Variants in TMEM63A observed in about 807,000 individuals in gnomAD.
TMEM63A encodes the protein mechanosensitive cation channel TMEM63A.
In TMEM63A, 76 loss-of-function variants were observed where a neutral mutation model predicts 100.6. That is an observed-to-expected ratio of 0.76 (90% CI 0.63 to 0.91). The LOEUF is 0.91. TMEM63A is among the 40% of genes least tolerant of loss of function. The probability of loss-of-function intolerance (pLI) is 0.00; values close to 1 mark genes in which losing one functional copy is unlikely to be tolerated. For missense variants in TMEM63A, 876 were observed against 1,008.8 expected, an observed-to-expected ratio of 0.87 and a Z score of 1.78; for synonymous variants, 401 against 401.1, an observed-to-expected ratio of 1.00 and a Z score of 0.00.
At chr1:225,857,553 T>C (rs1669703934) in intron 15 of TMEM63A, among the ~76,000 whole-genome samples, 1 of 152,116 alleles carries the variant, frequency 6.6e-6, no homozygotes, top group African/African-American at 2.4e-5. Context: ...GAAATTTTCT[T>C]TGAAAACTAA....
At position 225,877,595 on chromosome 1, in the gene TMEM63A, C is replaced by T; in HGVS notation, c.-14-1G>A. 1 of 1,609,978 alleles carries T rather than the reference C, an allele frequency of 6.2e-7. No individual in the cohort carries two copies. The highest frequency in any genetic ancestry group is 1.3e-5 in the African/African-American group (1 of 75,008). ...GAGTCCATCATCGCGCCTGTCTTCC[C>T]TGGAGCACAGGACAACAGGACAAGG... On this transcript the variant is annotated splice_acceptor_variant, in intron 2 of 24. Coordinates refer to ENST00000366835, the MANE Select transcript of TMEM63A (RefSeq NM_014698.3). LOFTEE classifies it low-confidence loss of function (5UTR_SPLICE).
chr1:225,865,724 G>A lies in TMEM63A; in HGVS notation c.746+173C>T. 3 of 637,614 alleles carry A rather than the reference G, an allele frequency of 4.7e-6. No homozygotes were observed. The highest frequency in any genetic ancestry group is 8.2e-6 in the Non-Finnish European group (3 of 365,062). 39.5% of individuals were successfully genotyped at this position (637,614 alleles called of 1,614,324 possible). On this transcript the variant is annotated intron_variant, in intron 10 of 24. Coordinates refer to ENST00000366835, the MANE Select transcript of TMEM63A (RefSeq NM_014698.3). This position sits in a 1 kb window ranked among gnomAD's most constrained non-coding sequence, Gnocchi z 4.6. The stretch of plus-strand genomic sequence containing the variant: ...TTCACTGCACAGCACCAGCAGGGCT[G>A]GCACACAGGAGCCACTCCATACACG...
At chr1:225,849,055 G>A (rs773279285) in intron 21 of TMEM63A, 43 bp from the exon 22 acceptor site, 5 of 1,115,578 alleles carry the variant, frequency 4.5e-6, no homozygotes, top group Middle Eastern at 2.5e-4. Context: ...GCAGGGAGGG[G>A]CCACCACCTA....
Position 225,850,098 on chromosome 1 carries a change from T to G in TMEM63A, c.1904-19A>C. 1 of 1,613,106 alleles carries G rather than the reference T, an allele frequency of 6.2e-7. No individual in the cohort carries two copies. The highest frequency in any genetic ancestry group is 8.5e-7 in the Non-Finnish European group (1 of 1,179,326). On this transcript the variant is annotated intron_variant, in intron 20 of 24. Transcript: ENST00000366835. ...ATGAGGCCTGCAGGGGATGGGGCTG[T>G]GAGCTGGAGACCTCGCAGGGCCACA...
chr1:225,878,045 G>C (rs1285103128), intron 2 of TMEM63A, among the ~76,000 whole-genome samples: 5 of 152,098 alleles, frequency 3.3e-5, no homozygotes, highest in African/African-American at 4.8e-5. Context: ...GAAAACACCG[G>C]GATAAACAAC....
downstream of TMEM63A, among the ~76,000 whole-genome samples, chr1:225,844,823 G>A (rs186604328): frequency 7.9e-4 from 121 of 152,290 alleles, no homozygotes; most frequent in Non-Finnish European, 1.5e-3. Flanking sequence ...CCTGGCTCCC[G>A]GGCGGCCCTC....
chr1:225,845,023 T>G, downstream of TMEM63A: 1 of 1,085,724 alleles, frequency 9.2e-7, no homozygotes, highest in Non-Finnish European at 1.4e-6. Flanking sequence ...TTTGTCCTTT[T>G]CTTTATGGCT....
intron 20 of TMEM63A, 126 bp downstream of exon 20, chr1:225,852,538 T>C: frequency 1.2e-6 from 1 of 801,734 alleles, no homozygotes; most frequent in South Asian, 1.6e-5. Flanking sequence ...TTTAGCAGCT[T>C]GTGGCTCTTG....
At chr1:225,873,468 C>A (rs1428719929) in intron 4 of TMEM63A, among the ~76,000 whole-genome samples, 2 of 152,106 alleles carry the variant, frequency 1.3e-5, no homozygotes, top group African/African-American at 4.8e-5. Context: ...CTGCCAGAGC[C>A]CCTCTGGGGC....
intron 4 of TMEM63A, among the ~76,000 whole-genome samples, chr1:225,872,722 C>T (rs1670579184): frequency 8.0e-6 from 1 of 125,310 alleles, no homozygotes; most frequent in Admixed American, 1.0e-4. Flanking sequence ...GAGACAGAGT[C>T]TGGCTCTGTC....
intron 20 of TMEM63A, among the ~76,000 whole-genome samples, chr1:225,852,209 G>T (rs1366864919): frequency 2.6e-5 from 4 of 152,278 alleles, no homozygotes; most frequent in African/African-American, 9.6e-5. Context: ...ATGAGGCCGG[G>T]TGCTGTGGCT....
At chr1:225,875,266 C>G (rs1205822159) in intron 3 of TMEM63A, among the ~76,000 whole-genome samples, 2 of 152,172 alleles carry the variant, frequency 1.3e-5, no homozygotes, top group Non-Finnish European at 2.9e-5. Flanking sequence ...CCAATGGCAA[C>G]CTCAGGGCTG....
chr1:225,866,244 ACAG>A (rs1182329925), intron 9 of TMEM63A: 5 of 526,258 alleles, frequency 9.5e-6, no homozygotes, highest in Middle Eastern at 5.2e-4. Flanking sequence ...ATGCGGTCAC[ACAG>A]CAGATCAGAG....
rs1182912141 is a variant in TMEM63A, at chr1:225,845,807, C to CTGAG, written c.*1128_*1131dup. ...GGGCAAGTCAGCGTCAAGAGAGTCCCTGAGTGAGAAGGCCCAGATAAGCCC... is the reference window on the plus strand; with the variant it reads ...GGGCAAGTCAGCGTCAAGAGAGTCCCTGAGTGAGTGAGAAGGCCCAGATAAGCCC... On this transcript the variant is annotated 3_prime_UTR_variant, in exon 25 of 25. Coordinates refer to ENST00000366835, the MANE Select transcript of TMEM63A (RefSeq NM_014698.3). 1 of 247,358 alleles carries CTGAG rather than the reference C, an allele frequency of 4.0e-6. No homozygotes were observed. Among genetic ancestry groups the CTGAG allele is most frequent in the African/African-American group, 2.2e-5 (1 of 44,670 alleles). 15.3% of individuals were successfully genotyped at this position (247,358 alleles called of 1,614,324 possible).
intron 15 of TMEM63A, among the ~76,000 whole-genome samples, chr1:225,858,970 G>A (rs1483052771): frequency 1.3e-5 from 2 of 151,146 alleles, no homozygotes; most frequent in Non-Finnish European, 3.0e-5. Context: ...GTGTGTGTGT[G>A]TGTGTGTGTG....
At position 225,859,244 on chromosome 1, in the gene TMEM63A, C is replaced by A; in HGVS notation, c.1329G>T (p.Leu443=). The change falls in exon 15 of 25, where the codon CTG becomes CTT. Residue 443 remains leucine (L), a synonymous_variant. Coordinates refer to ENST00000366835, the MANE Select transcript of TMEM63A (RefSeq NM_014698.3). Reference sequence around the variant, plus strand: ...TGACATTAAACTTGTCCATGGTGGACAGGATGATGGAGGGTGTGGTCAGGA... The same window carrying A: ...TGACATTAAACTTGTCCATGGTGGAAAGGATGATGGAGGGTGTGGTCAGGA... ...LFFLTTPSII[L]STMDKFNVTK... is the part of the protein sequence containing the mutation. The A allele has an allele frequency of 1.9e-6, 3 of 1,614,046 alleles. No individual in the cohort carries two copies. The highest frequency in any genetic ancestry group is 2.5e-6 in the Non-Finnish European group (3 of 1,180,024).
At chr1:225,870,272 A>T (rs1670439869) in intron 6 of TMEM63A, among the ~76,000 whole-genome samples, 2 of 152,072 alleles carry the variant, frequency 1.3e-5, no homozygotes, top group Non-Finnish European at 2.9e-5. Context: ...GAATTGCTTG[A>T]ACCCGGGAGG....
In TMEM63A at chr1:225,865,732, G is replaced by A. The variant is rs894646215; in HGVS notation, c.746+165C>T. ...ACAGCACCAGCAGGGCTGGCACACA[G>A]GAGCCACTCCATACACGTGTGGCAG... On this transcript the variant is annotated intron_variant, in intron 10 of 24. Coordinates refer to ENST00000366835, the MANE Select transcript of TMEM63A (RefSeq NM_014698.3). This position sits in a 1 kb window ranked among gnomAD's most constrained non-coding sequence, Gnocchi z 4.6. 3.0e-6 allele frequency: 2 copies of A among 662,916 alleles called. No homozygotes were observed. The highest frequency in any genetic ancestry group is 5.4e-5 in the Admixed American group (2 of 37,308). 41.1% of individuals were successfully genotyped at this position (662,916 alleles called of 1,614,324 possible).
chr1:225,849,784 C>T (rs994548051), intron 21 of TMEM63A, 128 bp downstream of exon 21: 21 of 1,216,874 alleles, frequency 1.7e-5, no homozygotes, highest in Middle Eastern at 2.5e-4. Context: ...AACCAGCCCT[C>T]ACTCTGGGCA....
Sources: gnomAD v4.1 joint callset for allele counts (sites outside exome capture counted in the v4.1 genomes callset) on GRCh38, gnomAD v4.1.1 for gene constraint, Gnocchi (gnomAD v3.1) non-coding constraint, MANE v1.5 for transcripts, NCBI Gene and HGNC (gene_info 2026-07-23, HGNC 2026-07-21) for gene names.